Variants in DGKD observed in about 807,000 individuals in gnomAD.
DGKD encodes diacylglycerol kinase delta.
Under a neutral mutation model 154.4 loss-of-function variants are expected in DGKD, and 68 were observed. The ratio of observed to expected loss-of-function variants is 0.44; its 90% CI spans 0.36 to 0.54. DGKD has a LOEUF of 0.54. Ranked by LOEUF, DGKD falls within the 20% of genes least tolerant of loss-of-function variation. The pLI, the probability that DGKD is intolerant of heterozygous loss-of-function variation, is 0.00. For missense variants in DGKD, 1,343 were observed against 1,593.6 expected, an observed-to-expected ratio of 0.84 and a Z score of 2.68; for synonymous variants, 693 against 638.0, an observed-to-expected ratio of 1.09 and a Z score of -1.30.
intron 3 of DGKD, among the ~76,000 whole-genome samples, chr2:233,408,498 G>A (rs895560708): frequency 6.6e-5 from 10 of 152,200 alleles, no homozygotes; most frequent in African/African-American, 2.2e-4. Flanking sequence ...CCCCACGTTC[G>A]TTAGCAGCTC....
At chr2:233,388,507 C>A (rs1703345335) in intron 2 of DGKD, 140 bp downstream of exon 2, 1 of 718,756 alleles carries the variant, frequency 1.4e-6, no homozygotes, top group Middle Eastern at 3.8e-4. Context: ...TAACACTCCA[C>A]GCTGTCAGGT....
At chr2:233,405,018 G>A (rs2125496017) in intron 3 of DGKD, among the ~76,000 whole-genome samples, 1 of 152,340 alleles carries the variant, frequency 6.6e-6, no homozygotes, top group African/African-American at 2.4e-5. Context: ...GAAGAAAAAG[G>A]ACAGGCCGGC....
At chr2:233,435,462 T>C (rs984261133) in intron 5 of DGKD, among the ~76,000 whole-genome samples, 3 of 152,218 alleles carry the variant, frequency 2.0e-5, no homozygotes, top group Non-Finnish European at 4.4e-5. Context: ...TTGTGACACA[T>C]GAAAATTACA....
At chr2:233,465,596 A>T (rs1559186880) in intron 27 of DGKD, among the ~76,000 whole-genome samples, 1 of 152,226 alleles carries the variant, frequency 6.6e-6, no homozygotes, top group Non-Finnish European at 1.5e-5. Context: ...TATTAAAAAA[A>T]AATTTTTTTT....
intron 3 of DGKD, among the ~76,000 whole-genome samples, chr2:233,414,307 T>C (rs972880498): frequency 1.3e-5 from 2 of 152,220 alleles, no homozygotes; most frequent in Non-Finnish European, 2.9e-5. Context: ...ACTGGGTCTT[T>C]GTGCACCAGC....
intron 3 of DGKD, among the ~76,000 whole-genome samples, chr2:233,401,981 T>C (rs2061571772): frequency 6.6e-6 from 1 of 150,444 alleles, no homozygotes; most frequent in Non-Finnish European, 1.5e-5. Flanking sequence ...GGCCCCTCGT[T>C]TCTTACCTAA....
intron 27 of DGKD, 124 bp downstream of exon 27, chr2:233,464,407 G>A: frequency 4.7e-6 from 6 of 1,271,968 alleles, no homozygotes; most frequent in Non-Finnish European, 6.6e-6. Flanking sequence ...CAGCCCCTGA[G>A]GGGCCTTCTC....
At chr2:233,448,455 C>A in intron 14 of DGKD, 80 bp downstream of exon 14, 1 of 1,223,658 alleles carries the variant, frequency 8.2e-7, no homozygotes, top group Non-Finnish European at 1.2e-6. Flanking sequence ...GCCGTGACTG[C>A]AGGTTGTCCA....
intron 3 of DGKD, among the ~76,000 whole-genome samples, chr2:233,410,905 G>T (rs1490230240): frequency 6.6e-6 from 1 of 151,890 alleles, no homozygotes; most frequent in Non-Finnish European, 1.5e-5. Flanking sequence ...AAACATGGAT[G>T]GATTTGTTTT....
chr2:233,379,475 C>T (rs1314098293), intron 1 of DGKD, among the ~76,000 whole-genome samples: 1 of 152,092 alleles, frequency 6.6e-6, no homozygotes, highest in Non-Finnish European at 1.5e-5. Flanking sequence ...TGGGAGTGGG[C>T]CCTGGCTCTG....
chr2:233,464,149 C>T lies in DGKD; in HGVS notation c.3187-15C>T, dbSNP rs1286056645. Reference sequence around the variant, plus strand: ...ACACTCTCCATTTCTCTCTCCCTCCCTCCGCCTGGAGCAGCAGCTGGATCC... The same window carrying T: ...ACACTCTCCATTTCTCTCTCCCTCCTTCCGCCTGGAGCAGCAGCTGGATCC... On this transcript the variant is annotated splice_polypyrimidine_tract_variant and intron_variant, in intron 26 of 29. Transcript: ENST00000264057. The T allele has an allele frequency of 2.5e-6, 4 of 1,613,318 alleles. No individual in the cohort carries two copies. Among genetic ancestry groups the T allele is most frequent in the Non-Finnish European group, 2.5e-6 (3 of 1,180,030 alleles).
Position 233,450,775 on chromosome 2 carries a change from T to A in DGKD, c.2039-147T>A, listed in dbSNP as rs1007072045. On this transcript the variant is annotated intron_variant, in intron 16 of 29. Transcript: ENST00000264057. Reference sequence around the variant, plus strand: ...GCACCCACTCGGTCCTCCGCCCCCTTCTTTGTCCCACACACTTCACGCAAC... The same window carrying A: ...GCACCCACTCGGTCCTCCGCCCCCTACTTTGTCCCACACACTTCACGCAAC... The A allele has an allele frequency of 1.5e-5, 15 of 1,009,568 alleles. No homozygotes were observed. The African/African-American group carries it at 2.1e-4, about 14-fold the overall frequency. 62.5% of individuals were successfully genotyped at this position (1,009,568 alleles called of 1,614,324 possible).
intron 1 of DGKD, among the ~76,000 whole-genome samples, chr2:233,364,046 C>T (rs1332599098): frequency 6.6e-6 from 1 of 152,216 alleles, no homozygotes; most frequent in African/African-American, 2.4e-5. Context: ...GTCGAGATCA[C>T]ACCACTGCAC....
At position 233,399,398 on chromosome 2, in the gene DGKD, C is replaced by G. The variant is rs183797829; in HGVS notation, c.348+8915C>G. 2.5e-3 allele frequency among the ~76,000 whole-genome samples: 387 copies of G among 152,352 alleles called. 2 individuals are homozygous for G. Among genetic ancestry groups the G allele is most frequent in the Non-Finnish European group, 4.0e-3 (272 of 68,038 alleles). On this transcript the variant is annotated intron_variant, in intron 3 of 29. Transcript: ENST00000264057. ...AGCTTCCTGGGACCAGATGCTGGGC[C>G]TGGCTGCAAGATCAGGTCTTCCTTC...
At chr2:233,397,846 T>C (rs376160502) in intron 3 of DGKD, among the ~76,000 whole-genome samples, 3 of 146,340 alleles carry the variant, frequency 2.1e-5, no homozygotes, top group African/African-American at 7.6e-5. Flanking sequence ...CAGAAGGGGG[T>C]GGAGTAGATG....
At chr2:233,464,089 C>G in intron 26 of DGKD, 75 bp from the exon 27 acceptor site, 1 of 1,592,736 alleles carries the variant, frequency 6.3e-7, no homozygotes, top group Non-Finnish European at 8.6e-7. Flanking sequence ...TGGAGCGGAC[C>G]TCACCCCCCT....
Position 233,454,808 on chromosome 2 carries a change from T to TG in DGKD, c.2312dup (p.Leu772ProfsTer10). The stretch of plus-strand genomic sequence containing the variant: ...GTGTCATGAACAACTATTTTGGCAT[T>TG]GGCCTGGATGCGAAGATATCCCTGG... On this transcript the variant is annotated frameshift_variant, in exon 19 of 30. Transcript: ENST00000264057. LOFTEE classifies it high-confidence loss of function. 6.2e-7 allele frequency: 1 copy of TG among 1,614,054 alleles called. No homozygotes were observed. The highest frequency in any genetic ancestry group is 8.5e-7 in the Non-Finnish European group (1 of 1,179,932).
Position 233,462,698 on chromosome 2 carries a change from G to A in DGKD, c.3149G>A (p.Ser1050Asn). The A allele has an allele frequency of 6.2e-7, 1 of 1,614,118 alleles. No homozygotes were observed. The highest frequency in any genetic ancestry group is 8.5e-7 in the Non-Finnish European group (1 of 1,180,042). The change falls in exon 26 of 30, where the codon AGT becomes AAT. Residue 1050 changes from serine (S) to asparagine (N), a missense_variant. Ser to Asn is a conservative substitution (Grantham distance 46). Coordinates refer to ENST00000264057, the MANE Select transcript of DGKD (RefSeq NM_152879.3). ...GTGAATAACTTCAGAGCTCTGCGCAGTGAGACGGAGCTGCTGCTGTCTGGG... is the reference window on the plus strand; with the variant it reads ...GTGAATAACTTCAGAGCTCTGCGCAATGAGACGGAGCTGCTGCTGTCTGGG... ...EMVNNFRALRSETELLLSGKM... is the reference protein window; with the variant it reads ...EMVNNFRALRNETELLLSGKM...
At position 233,471,149 on chromosome 2, in the gene DGKD, A is replaced by G. The variant is rs2064001877; in HGVS notation, c.*1689A>G. On this transcript the variant is annotated 3_prime_UTR_variant, in exon 30 of 30. Coordinates refer to ENST00000264057, the MANE Select transcript of DGKD (RefSeq NM_152879.3). Reference sequence around the variant, plus strand: ...CGTTCTGGCCCGAGGCCCTTAGAGTATGGAGGCTGAGCCAGGCCTTGGGTT... The same window carrying G: ...CGTTCTGGCCCGAGGCCCTTAGAGTGTGGAGGCTGAGCCAGGCCTTGGGTT... 6.6e-6 allele frequency: 1 copy of G among 152,302 alleles called. No individual in the cohort carries two copies. Among genetic ancestry groups the G allele is most frequent in the Non-Finnish European group, 1.5e-5 (1 of 68,054 alleles). 9.4% of individuals were successfully genotyped at this position (152,302 alleles called of 1,614,324 possible).
Sources: gnomAD v4.1 joint callset for allele counts (sites outside exome capture counted in the v4.1 genomes callset) on GRCh38, gnomAD v4.1.1 for gene constraint, MANE v1.5 for transcripts, NCBI Gene and HGNC (gene_info 2026-07-23, HGNC 2026-07-21) for gene names.